Variants in ANKRD46 observed in about 807,000 individuals in gnomAD.
The protein encoded by ANKRD46 is ankyrin repeat domain 46, also known as ankyrin repeat domain-containing protein 46.
ANKRD46 carries 13 observed loss-of-function variants against 19.8 expected under a neutral mutation model. The ratio of observed to expected loss-of-function variants is 0.66; its 90% CI spans 0.43 to 1.04. The LOEUF is 1.04. ANKRD46 is among the 50% of genes least tolerant of loss of function. The pLI is 0.00. For synonymous variants in ANKRD46, 91 were observed against 106.9 expected (o/e 0.85, Z 0.92); for missense variants, 185 against 274.8 (o/e 0.67, Z 2.31).
rs2130622099 is a variant in ANKRD46 at position 100,510,748 on chromosome 8, C to T, written c.637-109G>A. ...ATCATAAATATATAGAACCAGAAAG[C>T]ACAGGCTTGCTTCTCCTCTGCCCAT... On this transcript the variant is annotated intron_variant, in intron 5 of 5. Coordinates refer to the ANKRD46 transcript ENST00000520552. The surrounding 1 kb of genome is among the most constrained non-coding windows in gnomAD (Gnocchi z 4.9). 9.9e-7 allele frequency: 1 copy of T among 1,011,048 alleles called. No individual in the cohort carries two copies. Among genetic ancestry groups the T allele is most frequent in the Admixed American group, 2.6e-5 (1 of 39,080 alleles). The allele number at this position is 1,011,048 out of a possible 1,614,324, so 62.6% of individuals were successfully genotyped here. A position where few individuals can be genotyped will look rare whatever the true frequency, so the allele number is the denominator to read the frequency against.
chr8:100,512,648 A>G (rs1490284921), intron 5 of ANKRD46, among the ~76,000 whole-genome samples: 1 of 152,234 alleles, frequency 6.6e-6, no homozygotes, highest in African/African-American at 2.4e-5. Context: ...ACAGAAAAAA[A>G]TCTCAACCAG....
rs555940731 is a variant in ANKRD46, at chr8:100,550,894, T to C, written c.-131+8817A>G. 3.9e-5 allele frequency: 22 copies of C among 561,644 alleles called. No homozygotes were observed. The highest frequency in any genetic ancestry group is 3.2e-4 in the African/African-American group (17 of 53,168). 34.8% of individuals were successfully genotyped at this position (561,644 alleles called of 1,614,324 possible). On this transcript the variant is annotated intron_variant, in intron 1 of 4. Coordinates refer to ENST00000335659, the MANE Select transcript of ANKRD46 (RefSeq NM_001270377.2). This position sits in a 1 kb window ranked among gnomAD's most constrained non-coding sequence, Gnocchi z 4.4. ...TCAGAGGAAACAACCTGGTGTTCAG[T>C]GTAGCCCAAGATGCCCTTGAGGGGC...
At position 100,524,617 on chromosome 8, in the gene ANKRD46, T is replaced by C. The variant is rs1372507939; in HGVS notation, c.471-1846A>G. The stretch of plus-strand genomic sequence containing the variant: ...GAACACTTGACAGCAAGTTTAAAAA[T>C]AAGATTAGAACTTTGAGAAGGCCTA... On this transcript the variant is annotated intron_variant, in intron 4 of 4. Transcript: ENST00000335659. This position sits in a 1 kb window ranked among gnomAD's most constrained non-coding sequence, Gnocchi z 4.3. Among the ~76,000 whole-genome samples, 1 of 152,060 alleles carries C rather than the reference T, an allele frequency of 6.6e-6. No individual in the cohort carries two copies. Among genetic ancestry groups the C allele is most frequent in the Middle Eastern group, 3.2e-3 (1 of 316 alleles).
intron 2 of ANKRD46, among the ~76,000 whole-genome samples, chr8:100,530,389 A>T (rs894390792): frequency 3.6e-4 from 54 of 149,402 alleles, no homozygotes; most frequent in African/African-American, 1.2e-3. Flanking sequence ...TTATAGCACA[A>T]TTTTTTTTTT....
chr8:100,555,440 C>T (rs1355704013), intron 1 of ANKRD46, among the ~76,000 whole-genome samples: 1 of 147,464 alleles, frequency 6.8e-6, no homozygotes, highest in African/African-American at 2.5e-5. Context: ...AAATTAAGAA[C>T]TCAGGGTGGG....
chr8:100,518,036 C>G (rs2130633094), downstream of ANKRD46, among the ~76,000 whole-genome samples: 1 of 152,230 alleles, frequency 6.6e-6, no homozygotes, highest in South Asian at 2.1e-4. Context: ...ACTAAAAATA[C>G]AAAAATTAGC....
chr8:100,529,473 G>A lies in ANKRD46; in HGVS notation c.311+50C>T. ...GACCCAAGATAAGATTATCAGTTGAGAGATTAATGGGAAGAAATGACTAGA... is the reference window on the plus strand; with the variant it reads ...GACCCAAGATAAGATTATCAGTTGAAAGATTAATGGGAAGAAATGACTAGA... On this transcript the variant is annotated intron_variant, in intron 3 of 4. Transcript: ENST00000335659. The surrounding 1 kb of genome is among the most constrained non-coding windows in gnomAD (Gnocchi z 5.8). 3 of 1,527,708 alleles carry A rather than the reference G, an allele frequency of 2.0e-6. No homozygotes were observed. Among genetic ancestry groups the A allele is most frequent in the Non-Finnish European group, 2.7e-6 (3 of 1,125,364 alleles). The allele number at this position is 1,527,708 out of a possible 1,614,324, so 94.6% of individuals were successfully genotyped here. A position where few individuals can be genotyped will look rare whatever the true frequency, so the allele number is the denominator to read the frequency against.
In ANKRD46 at chr8:100,510,377, C is replaced by A. The variant is rs1381539946; in HGVS notation, c.*200G>T. The A allele has an allele frequency of 2.3e-6, 1 of 438,746 alleles. No homozygotes were observed. The highest frequency in any genetic ancestry group is 2.0e-5 in the African/African-American group (1 of 49,820). 27.2% of individuals were successfully genotyped at this position (438,746 alleles called of 1,614,324 possible). A position where few individuals can be genotyped will look rare whatever the true frequency, so the allele number is the denominator to read the frequency against. On this transcript the variant is annotated 3_prime_UTR_variant, in exon 6 of 6. Transcript: ENST00000520552. This position sits in a 1 kb window ranked among gnomAD's most constrained non-coding sequence, Gnocchi z 4.9. ...GGGAGGCCAGGAAGACAGCAGGTGC[C>A]CGGGCTGCCTGCAGGGCAGGACTGG...
At position 100,522,894 on chromosome 8, in the gene ANKRD46, CACACACACACATATAT is replaced by C. The variant is rs1409414188; in HGVS notation, c.471-139_471-124del. The C allele has an allele frequency of 3.3e-4, 191 of 571,710 alleles. 1 individual carries two copies. The highest frequency in any genetic ancestry group is 3.0e-3 in the African/African-American group (105 of 34,452). 35.4% of individuals were successfully genotyped at this position (571,710 alleles called of 1,614,324 possible). On this transcript the variant is annotated intron_variant, in intron 4 of 4. Transcript: ENST00000335659. ...ACACACACACACACACACACACACA[CACACACACACATATAT>C]ATATATACACACTCTTACATGCTTA...
Position 100,532,025 on chromosome 8 carries a change from T to C in ANKRD46, c.-28+1184A>G, listed in dbSNP as rs768891145. Among the ~76,000 whole-genome samples, 26 of 151,998 alleles carry C rather than the reference T, an allele frequency of 1.7e-4. No homozygotes were observed. The highest frequency in any genetic ancestry group is 3.4e-4 in the Non-Finnish European group (23 of 67,974). ...TGGAGAGGAACAGAGAAGACAGAAT[T>C]AGCACAACTTAATGACTCACTGGAT... is the stretch of plus-strand genomic sequence containing the variant. On this transcript the variant is annotated intron_variant, in intron 2 of 4. Transcript: ENST00000335659. The surrounding 1 kb of genome is among the most constrained non-coding windows in gnomAD (Gnocchi z 4.7).
Position 100,529,777 on chromosome 8 carries a change from G to A in ANKRD46, c.57C>T (p.Ala19=). ...SSQTNVPLLQ[A]CIDGDFNYSK... Reference sequence around the variant, plus strand: ...AATAATTAAAGTCCCCATCAATACAGGCTTGCAGCAAGGGCACGTTAGTCT... The same window carrying A: ...AATAATTAAAGTCCCCATCAATACAAGCTTGCAGCAAGGGCACGTTAGTCT... Residue 19 remains alanine (A), a synonymous_variant, in exon 3 of 5, where the codon GCC becomes GCT. Transcript: ENST00000335659. The surrounding 1 kb of genome is among the most constrained non-coding windows in gnomAD (Gnocchi z 5.8). The A allele has an allele frequency of 6.2e-7, 1 of 1,614,220 alleles. No individual in the cohort carries two copies. The highest frequency in any genetic ancestry group is 8.5e-7 in the Non-Finnish European group (1 of 1,180,054).
intron 1 of ANKRD46, among the ~76,000 whole-genome samples, chr8:100,535,251 A>C (rs764085150): frequency 7.2e-5 from 11 of 152,242 alleles, no homozygotes; most frequent in Admixed American, 6.5e-4. Context: ...CTTCCCTAAG[A>C]AGTCATAAAG....
In ANKRD46 at chr8:100,553,063, C is replaced by G. The variant is rs16898573; in HGVS notation, c.-131+6648G>C. Among the ~76,000 whole-genome samples the G allele has an allele frequency of 7.6e-3, 1,156 of 152,272 alleles. 18 individuals carry two copies. Among genetic ancestry groups the G allele is most frequent in the African/African-American group, 0.026 (1,072 of 41,546 alleles). ...ACTCTCTTTGAGAAGGAGCTGAATC[C>G]AGGCCTAAGAAATCTCATGTTCAGC... is the stretch of plus-strand genomic sequence containing the variant. On this transcript the variant is annotated intron_variant, in intron 1 of 4. Coordinates refer to ENST00000335659, the MANE Select transcript of ANKRD46 (RefSeq NM_001270377.2).
intron 1 of ANKRD46, among the ~76,000 whole-genome samples, chr8:100,547,006 C>T (rs913558519): frequency 9.2e-5 from 14 of 152,166 alleles, no homozygotes; most frequent in Non-Finnish European, 1.9e-4. Context: ...AAGTAACTAA[C>T]TTGCTTTTGA....
rs1038419312 is a variant in ANKRD46, at chr8:100,559,070, G to A, written c.-131+641C>T. 1.3e-5 allele frequency: 2 copies of A among 151,694 alleles called. No individual in the cohort carries two copies. Among genetic ancestry groups the A allele is most frequent in the African/African-American group, 2.4e-5 (1 of 41,384 alleles). 9.4% of individuals were successfully genotyped at this position (151,694 alleles called of 1,614,324 possible). ...TGTTCTGTAGCCAATTCCGAATACC[G>A]TGGAACGTTACAAAAAACAGATGTT... On this transcript the variant is annotated intron_variant, in intron 1 of 4. Coordinates refer to ENST00000335659, the MANE Select transcript of ANKRD46 (RefSeq NM_001270377.2). The surrounding 1 kb of genome is among the most constrained non-coding windows in gnomAD (Gnocchi z 6.0).
intron 5 of ANKRD46, among the ~76,000 whole-genome samples, chr8:100,514,589 T>C (rs988635506): frequency 6.9e-6 from 1 of 145,262 alleles, no homozygotes; most frequent in African/African-American, 2.7e-5. Context: ...GATAGTTTTA[T>C]CCTGAGTGTG....
At chr8:100,551,565 AAAT>A (rs1812390979) in intron 1 of ANKRD46, 1 of 756,290 alleles carries the variant, frequency 1.3e-6, no homozygotes, top group African/African-American at 1.7e-5. Flanking sequence ...CCATGGGTAG[AAAT>A]ACTGGAACAT....
chr8:100,516,239 G>A (rs1332828316), downstream of ANKRD46, among the ~76,000 whole-genome samples: 3 of 152,112 alleles, frequency 2.0e-5, no homozygotes, highest in Non-Finnish European at 4.4e-5. Flanking sequence ...TAGAACTCAG[G>A]TCATTTGATT....
rs893051287 is a variant in ANKRD46, at chr8:100,536,623, A to G, written c.-130-3312T>C. Among the ~76,000 whole-genome samples the G allele has an allele frequency of 2.0e-5, 3 of 152,202 alleles. No homozygotes were observed. Among genetic ancestry groups the G allele is most frequent in the African/African-American group, 4.8e-5 (2 of 41,454 alleles). ...CATCTAGTTGGCAGTAAAGACCTCC[A>G]GGAAAGAAAAATAAAAGAACTGGTT... is the stretch of plus-strand genomic sequence containing the variant. On this transcript the variant is annotated intron_variant, in intron 1 of 4. Transcript: ENST00000335659. This position sits in a 1 kb window ranked among gnomAD's most constrained non-coding sequence, Gnocchi z 4.9.
Sources: allele counts gnomAD v4.1 joint callset (sites outside exome capture counted in the v4.1 genomes callset), GRCh38; gene constraint gnomAD v4.1.1; non-coding constraint Gnocchi (gnomAD v3.1); transcripts MANE v1.5; gene names NCBI Gene and HGNC (gene_info 2026-07-23, HGNC 2026-07-21).